The following RAB38 variants were observed in gnomAD, a reference collection of about 807,000 sequenced individuals.
RAB38 encodes the protein RAB38, member RAS oncogene family, also known as ras-related protein Rab-38.
RAB38 carries 15 observed loss-of-function variants against 18.4 expected under a neutral mutation model. That is an observed-to-expected ratio of 0.82 (90% CI 0.55 to 1.26). The LOEUF (loss-of-function observed/expected upper bound fraction) is 1.26, where lower values mean the gene tolerates loss of function less well. Ranked by LOEUF, RAB38 falls within the 50% of genes most tolerant of loss-of-function variation. The pLI is 0.00. For missense variants in RAB38, 294 were observed against 267.4 expected, an observed-to-expected ratio of 1.10 and a Z score of -0.69; for synonymous variants, 101 against 104.4, an observed-to-expected ratio of 0.97 and a Z score of 0.20.
the RAB38 span, among the ~76,000 whole-genome samples, chr11:88,022,904 A>T: frequency 6.6e-6 from 1 of 152,168 alleles, no homozygotes; most frequent in Non-Finnish European, 1.5e-5. Context: ...GGGGGAACAG[A>T]AAAACAAATA....
At chr11:87,977,995 C>A in the RAB38 span, among the ~76,000 whole-genome samples, 29,771 of 29,806 alleles carry the variant, frequency 1, 14,868 homozygotes, top group Middle Eastern at 1. Context: ...ATCTTATAAA[C>A]TATTATTTTA....
the RAB38 span, among the ~76,000 whole-genome samples, chr11:88,021,622 G>C: frequency 4.7e-5 from 7 of 148,550 alleles, no homozygotes; most frequent in Admixed American, 4.7e-4. Flanking sequence ...ACAGAGTTTT[G>C]CTCCGTCACT....
the RAB38 span, among the ~76,000 whole-genome samples, chr11:87,841,159 A>G: frequency 2.0e-5 from 3 of 152,262 alleles, no homozygotes; most frequent in Admixed American, 1.3e-4. Context: ...TATCAGTGCT[A>G]TGGTTTGGCT....
the RAB38 span, among the ~76,000 whole-genome samples, chr11:87,864,767 T>C: frequency 2.0e-5 from 3 of 151,870 alleles, no homozygotes; most frequent in Admixed American, 6.6e-5. Context: ...CTTTCAAATA[T>C]TGAAAGAAAC....
chr11:88,118,887 T>G (rs560311176), intron 2 of RAB38, among the ~76,000 whole-genome samples: 44 of 152,288 alleles, frequency 2.9e-4, no homozygotes, highest in Non-Finnish European at 5.9e-4. Context: ...TCACATTGAA[T>G]ATTCACAAAC....
the RAB38 span, among the ~76,000 whole-genome samples, chr11:88,069,206 G>A: frequency 4.7e-4 from 71 of 152,330 alleles, no homozygotes; most frequent in African/African-American, 1.4e-3. Context: ...CAGGAGGTGC[G>A]GAGGGGGTGC....
chr11:87,953,900 G>A, the RAB38 span, among the ~76,000 whole-genome samples: 413 of 149,816 alleles, frequency 2.8e-3, no homozygotes, highest in Non-Finnish European at 4.2e-3. Context: ...GAACAATTTC[G>A]TTAGCTATTT....
chr11:87,873,433 C>A, the RAB38 span, among the ~76,000 whole-genome samples: 11 of 151,390 alleles, frequency 7.3e-5, no homozygotes, highest in Non-Finnish European at 1.2e-4. Context: ...TTTTGCAGAG[C>A]AGAAGTTGTT....
the RAB38 span, among the ~76,000 whole-genome samples, chr11:88,061,115 A>G: frequency 6.6e-6 from 1 of 152,236 alleles, no homozygotes; most frequent in Non-Finnish European, 1.5e-5. Context: ...AACAGTAATC[A>G]TCACAGATAT....
downstream of RAB38, among the ~76,000 whole-genome samples, chr11:88,108,466 T>C (rs906423950): frequency 6.6e-6 from 1 of 152,136 alleles, no homozygotes; most frequent in African/African-American, 2.4e-5. Context: ...GTTTGTTTTT[T>C]TGTTTTGTTT....
At chr11:88,148,458 A>G (rs1943019580) in intron 2 of RAB38, among the ~76,000 whole-genome samples, 1 of 152,204 alleles carries the variant, frequency 6.6e-6, no homozygotes, top group Non-Finnish European at 1.5e-5. Flanking sequence ...ATGTTCCCAC[A>G]GAGCATGGTA....
At chr11:88,097,724 T>C in the RAB38 span, among the ~76,000 whole-genome samples, 1 of 151,870 alleles carries the variant, frequency 6.6e-6, no homozygotes, top group Non-Finnish European at 1.5e-5. Flanking sequence ...CCAAGTATTA[T>C]GAAATTCCTA....
chr11:87,817,232 A>T, the RAB38 span: 3 of 152,088 alleles, frequency 2.0e-5, no homozygotes, highest in Non-Finnish European at 4.4e-5. Context: ...TTAAACTTTT[A>T]CCTAGTCAGA....
the RAB38 span, among the ~76,000 whole-genome samples, chr11:87,942,190 A>G: frequency 6.6e-6 from 1 of 152,144 alleles, no homozygotes; most frequent in Non-Finnish European, 1.5e-5. Flanking sequence ...ATGCTTCTCA[A>G]ATGTAAAAGA....
At chr11:87,810,615 A>T in the RAB38 span, among the ~76,000 whole-genome samples, 2 of 152,198 alleles carry the variant, frequency 1.3e-5, no homozygotes, top group Non-Finnish European at 2.9e-5. Context: ...ACTGGTCCTA[A>T]CGGTGTGACT....
chr11:87,809,885 T>C, the RAB38 span, among the ~76,000 whole-genome samples: 108,117 of 152,048 alleles, frequency 0.71, 39,371 homozygotes, highest in East Asian at 0.93. Flanking sequence ...CTAGAAAAGA[T>C]TGACATTAGA....
the RAB38 span, among the ~76,000 whole-genome samples, chr11:87,948,465 T>G: frequency 6.6e-6 from 1 of 151,884 alleles, no homozygotes; most frequent in Non-Finnish European, 1.5e-5. Context: ...GGCATCCCTG[T>G]CTTGTGCCAG....
the RAB38 span, among the ~76,000 whole-genome samples, chr11:87,895,844 G>A: frequency 2.6e-5 from 4 of 151,582 alleles, no homozygotes. Context: ...TATTCTAAAT[G>A]CAAAGCTGAT....
chr11:87,869,452 T>C, the RAB38 span, among the ~76,000 whole-genome samples: 55 of 151,676 alleles, frequency 3.6e-4, no homozygotes, highest in Non-Finnish European at 6.5e-4. Context: ...ACTGCTCTGC[T>C]TACTCTACTA....
Sources: allele counts gnomAD v4.1 joint callset (sites outside exome capture counted in the v4.1 genomes callset), GRCh38; gene constraint gnomAD v4.1.1; transcripts MANE v1.5; gene names NCBI Gene and HGNC (gene_info 2026-07-23, HGNC 2026-07-21).